IQUB: variants seen among roughly 807,000 people sequenced by gnomAD.
IQUB encodes IQ motif and ubiquitin-like domain-containing protein.
A neutral mutation model predicts 86.4 loss-of-function variants in IQUB; 86 were observed. The ratio of observed to expected loss-of-function variants is 1.00; its 90% confidence interval spans 0.84 to 1.19. The LOEUF (loss-of-function observed/expected upper bound fraction) is 1.19, where lower values mean the gene tolerates loss of function less well. Among genes scored for constraint, IQUB ranks in the 50% most tolerant of loss-of-function variants. The pLI, the probability that IQUB is intolerant of heterozygous loss-of-function variation, is 0.00. For missense variants in IQUB, 946 were observed against 916.9 expected (o/e 1.03, Z -0.41); for synonymous variants, 289 against 304.5 (o/e 0.95, Z 0.53).
intron 1 of IQUB, among the ~76,000 whole-genome samples, chr7:123,514,081 C>G (rs1022894224): frequency 6.6e-6 from 1 of 152,164 alleles, no homozygotes; most frequent in Non-Finnish European, 1.5e-5. Flanking sequence ...TAGTCATATA[C>G]ATTGTAATGA....
At chr7:123,492,655 A>G (rs937642197) in intron 7 of IQUB, among the ~76,000 whole-genome samples, 7 of 152,174 alleles carry the variant, frequency 4.6e-5, no homozygotes, top group African/African-American at 1.7e-4. Context: ...CTCACCTCTC[A>G]GTTCCTTTCC....
At chr7:123,465,667 C>T (rs1000076885) in intron 9 of IQUB, among the ~76,000 whole-genome samples, 3 of 151,956 alleles carry the variant, frequency 2.0e-5, no homozygotes, top group African/African-American at 4.8e-5. Context: ...AGATACACAG[C>T]TTGAATGAAG....
chr7:123,459,381 A>G (rs910336865), intron 11 of IQUB, among the ~76,000 whole-genome samples: 2 of 152,040 alleles, frequency 1.3e-5, no homozygotes, highest in Non-Finnish European at 2.9e-5. Flanking sequence ...TAGACTGAGT[A>G]AAGCAGAGTG....
intron 7 of IQUB, among the ~76,000 whole-genome samples, chr7:123,488,671 G>T (rs79841492): frequency 0.024 from 3,659 of 152,168 alleles, 126 homozygotes; most frequent in African/African-American, 0.075. Flanking sequence ...ATACCCACAG[G>T]CCAAGAAAGA....
At chr7:123,501,861 T>G (rs957951100) in intron 6 of IQUB, 8 of 152,200 alleles carry the variant, frequency 5.3e-5, no homozygotes, top group African/African-American at 1.7e-4. Flanking sequence ...CATATATTCC[T>G]TTATTTGGTG....
rs930743438 is a variant in IQUB, at chr7:123,479,838, T to C, written c.1367A>G (p.Tyr456Cys). The C allele has an allele frequency of 5.6e-6, 9 of 1,612,736 alleles. No homozygotes were observed. Among genetic ancestry groups the C allele is most frequent in the African/African-American group, 1.3e-5 (1 of 74,858 alleles). Reference protein sequence around the residue: ...ASIGRHRYIAYMANQEAAIQA... With the variant: ...ASIGRHRYIACMANQEAAIQA... The stretch of plus-strand genomic sequence containing the variant: ...TATTGCTGCTTCCTGATTTGCCATA[T>C]AAGCAATGTATCTATGTCTCCCAAT... Residue 456 changes from tyrosine (Y) to cysteine (C), a missense_variant, in exon 8 of 13, where the codon TAT (tyrosine) becomes TGT (cysteine). Physicochemically the swap from Tyr to Cys is radical, Grantham distance 194 (BLOSUM62 -2). Coordinates refer to ENST00000324698, the MANE Select transcript of IQUB (RefSeq NM_178827.5).
intron 8 of IQUB, among the ~76,000 whole-genome samples, chr7:123,477,754 A>G (rs1002416922): frequency 6.6e-6 from 1 of 152,200 alleles, no homozygotes; most frequent in Non-Finnish European, 1.5e-5. Context: ...AGAAAAAAAC[A>G]AACAACCCCA....
intron 7 of IQUB, among the ~76,000 whole-genome samples, chr7:123,491,945 A>C (rs1056691763): frequency 6.6e-6 from 1 of 152,216 alleles, no homozygotes; most frequent in Non-Finnish European, 1.5e-5. Context: ...CTGACAATAC[A>C]TAAAGACAAG....
chr7:123,483,049 C>A (rs1795074427), intron 7 of IQUB, among the ~76,000 whole-genome samples: 1 of 152,040 alleles, frequency 6.6e-6, no homozygotes, highest in Admixed American at 6.6e-5. Flanking sequence ...CTGAACTATT[C>A]CTAAAAATAC....
At chr7:123,464,555 C>G (rs4731106) in intron 10 of IQUB, among the ~76,000 whole-genome samples, 1 of 151,654 alleles carries the variant, frequency 6.6e-6, no homozygotes, top group Non-Finnish European at 1.5e-5. Flanking sequence ...GCCATGGAGG[C>G]GTGAGAAATC....
At chr7:123,517,627 G>C (rs912774531) in intron 1 of IQUB, among the ~76,000 whole-genome samples, 16 of 146,004 alleles carry the variant, frequency 1.1e-4, no homozygotes, top group Non-Finnish European at 1.9e-4. Flanking sequence ...TCAAAACAAA[G>C]CTGTCAGTGT....
intron 12 of IQUB, among the ~76,000 whole-genome samples, chr7:123,453,580 C>T (rs997051622): frequency 1.3e-5 from 2 of 151,838 alleles, no homozygotes; most frequent in Non-Finnish European, 2.9e-5. Context: ...TATCCTATCA[C>T]TAAGAGCCCA....
intron 9 of IQUB, among the ~76,000 whole-genome samples, chr7:123,468,557 T>A (rs2117012942): frequency 2.8e-5 from 2 of 72,028 alleles, no homozygotes; most frequent in African/African-American, 1.0e-4. Context: ...GTCAAAATTG[T>A]CCTGGCCCCT....
chr7:123,453,284 ATT>A (rs1793526720), intron 12 of IQUB, among the ~76,000 whole-genome samples: 1 of 142,752 alleles, frequency 7.0e-6, no homozygotes, highest in South Asian at 2.2e-4. Context: ...ATATATATAT[ATT>A]ATTAATGTTA....
chr7:123,521,915 G>A (rs758603792), intron 1 of IQUB, among the ~76,000 whole-genome samples: 1 of 152,140 alleles, frequency 6.6e-6, no homozygotes, highest in Non-Finnish European at 1.5e-5. Flanking sequence ...TTGCCATGCA[G>A]TACAGTGATT....
At chr7:123,458,716 T>A (rs1209303335) in intron 11 of IQUB, among the ~76,000 whole-genome samples, 2 of 152,140 alleles carry the variant, frequency 1.3e-5, no homozygotes, top group Non-Finnish European at 2.9e-5. Context: ...AAATGTCAAA[T>A]GTGCACATAA....
At chr7:123,524,446 A>G (rs1274108687) in intron 1 of IQUB, among the ~76,000 whole-genome samples, 2 of 150,494 alleles carry the variant, frequency 1.3e-5, no homozygotes, top group African/African-American at 4.9e-5. Flanking sequence ...ATTCCTAGGT[A>G]TTTTATTCTC....
At chr7:123,527,294 T>C (rs1350237243) in intron 1 of IQUB, among the ~76,000 whole-genome samples, 3 of 152,250 alleles carry the variant, frequency 2.0e-5, no homozygotes, top group Admixed American at 6.5e-5. Context: ...TTTGATCGTC[T>C]GAAGCCTTCT....
chr7:123,457,398 G>T lies in IQUB; in HGVS notation c.2176C>A (p.Leu726Ile), dbSNP rs1480335448. 6.2e-7 allele frequency: 1 copy of T among 1,611,434 alleles called. No homozygotes were observed. The highest frequency in any genetic ancestry group is 2.2e-5 in the East Asian group (1 of 44,788). Reference sequence around the variant, plus strand: ...TTTCTTACCTCTTCAATACTTGTTAGCTTGAGATGAGCAGCTGCTTCATCT... The same window carrying T: ...TTTCTTACCTCTTCAATACTTGTTATCTTGAGATGAGCAGCTGCTTCATCT... ...TKDEAAAHLK[L>I]TSIEEGYERS... Residue 726 changes from leucine (L) to isoleucine (I), a missense_variant, in exon 12 of 13, where the codon CTA (leucine) becomes ATA (isoleucine). Leu to Ile is a conservative substitution (Grantham distance 5, BLOSUM62 2). Transcript: ENST00000324698.
Sources: allele counts gnomAD v4.1 joint callset (sites outside exome capture counted in the v4.1 genomes callset), GRCh38; gene constraint gnomAD v4.1.1; transcripts MANE v1.5; gene names NCBI Gene and HGNC (gene_info 2026-07-23, HGNC 2026-07-21).